ZMYM6: variants seen among roughly 807,000 people sequenced by gnomAD.
ZMYM6 encodes the protein zinc finger MYM-type protein 6.
Under a neutral mutation model 134.0 loss-of-function variants are expected in ZMYM6, and 90 were observed. That is an observed-to-expected ratio of 0.67 (90% confidence interval 0.57 to 0.80). The LOEUF (loss-of-function observed/expected upper bound fraction) is 0.80, where lower values mean the gene tolerates loss of function less well. ZMYM6 is among the 30% of genes least tolerant of loss of function. The pLI is 0.00. For synonymous variants in ZMYM6, 481 were observed against 524.1 expected (o/e 0.92, Z 1.12); for missense variants, 1,362 against 1,533.9 (o/e 0.89, Z 1.87).
chr1:35,011,805 A>G (rs1055228581), intron 8 of ZMYM6, 85 bp downstream of exon 8: 6 of 952,366 alleles, frequency 6.3e-6, no homozygotes, highest in Non-Finnish European at 8.7e-6. Flanking sequence ...AAACTTTCAT[A>G]AGAACAGGCC....
chr1:35,031,149 CT>C (rs1387164523), intron 1 of ZMYM6: 1 of 152,816 alleles, frequency 6.5e-6, no homozygotes, highest in Non-Finnish European at 1.5e-5. Flanking sequence ...ATAACTCAAC[CT>C]TCACTGGAAG....
In ZMYM6 at chr1:35,008,926, T is replaced by A. The variant is rs1379559229; in HGVS notation, c.1493-2A>T. On this transcript the variant is annotated splice_acceptor_variant, in intron 10 of 15. Transcript: ENST00000357182. LOFTEE classifies it high-confidence loss of function. Reference sequence around the variant, plus strand: ...CACGGGCAGAGAGGAATTTGCAAACTGAGGATCAGAGGGATGAAAGGAAGA... The same window carrying A: ...CACGGGCAGAGAGGAATTTGCAAACAGAGGATCAGAGGGATGAAAGGAAGA... 1 of 1,610,594 alleles carries A rather than the reference T, an allele frequency of 6.2e-7. No individual in the cohort carries two copies. The highest frequency in any genetic ancestry group is 8.5e-7 in the Non-Finnish European group (1 of 1,178,580).
intron 2 of ZMYM6, 68 bp downstream of exon 2, chr1:35,030,479 A>T: frequency 6.7e-7 from 1 of 1,498,420 alleles, no homozygotes; most frequent in East Asian, 2.3e-5. Flanking sequence ...TTTAACTAAA[A>T]TTTTTCAGTT....
chr1:34,989,365 C>A, intron 15 of ZMYM6: 2 of 418,730 alleles, frequency 4.8e-6, no homozygotes, highest in South Asian at 1.0e-4. Flanking sequence ...TGGCGAAACT[C>A]CATCTCTACA....
intron 4 of ZMYM6, among the ~76,000 whole-genome samples, chr1:35,016,389 G>A (rs565575072): frequency 3.9e-5 from 6 of 152,304 alleles, no homozygotes; most frequent in East Asian, 1.9e-4. Flanking sequence ...AAACAAGAAC[G>A]AGACAGGAAG....
chr1:34,992,053 C>T lies in ZMYM6; in HGVS notation c.2146+181G>A, dbSNP rs544081889. The T allele has an allele frequency of 5.7e-5, 43 of 760,288 alleles. 1 individual carries two copies. In the South Asian group the frequency reaches 6.5e-4, roughly 11 times the overall value. The allele number at this position is 760,288 out of a possible 1,614,324, so 47.1% of individuals were successfully genotyped here. The stretch of plus-strand genomic sequence containing the variant: ...TAATTATAATAGCTTGTTATGATAG[C>T]TGGTTATTAGTGTTAATAATTATGA... On this transcript the variant is annotated intron_variant, in intron 15 of 15. Coordinates refer to ENST00000357182, the MANE Select transcript of ZMYM6 (RefSeq NM_007167.4).
intron 2 of ZMYM6, among the ~76,000 whole-genome samples, chr1:35,021,162 C>G (rs890415926): frequency 1.2e-4 from 17 of 147,442 alleles, no homozygotes; most frequent in African/African-American, 4.3e-4. Context: ...GTCACCCAGG[C>G]TGGAGTTTCA....
chr1:35,014,645 G>A, intron 6 of ZMYM6, 52 bp downstream of exon 6: 1 of 1,559,106 alleles, frequency 6.4e-7, no homozygotes, highest in South Asian at 1.2e-5. Flanking sequence ...TCCCTGTGCA[G>A]CCAAATCAGA....
intron 2 of ZMYM6, among the ~76,000 whole-genome samples, chr1:35,022,698 T>A (rs560416189): frequency 6.6e-6 from 1 of 152,326 alleles, no homozygotes; most frequent in Admixed American, 6.5e-5. Context: ...ATCTCCTTTC[T>A]CTCACAGCAG....
At chr1:35,026,140 C>G (rs1641409906) in intron 2 of ZMYM6, among the ~76,000 whole-genome samples, 2 of 152,096 alleles carry the variant, frequency 1.3e-5, no homozygotes, top group Admixed American at 6.6e-5. Context: ...CATGCCTCAG[C>G]CTCCTGAGTA....
At chr1:34,993,277 A>C (rs894525695) in intron 14 of ZMYM6, among the ~76,000 whole-genome samples, 1 of 151,822 alleles carries the variant, frequency 6.6e-6, no homozygotes, top group Admixed American at 6.6e-5. Flanking sequence ...ACGCCTGGCT[A>C]ATTTTTTATA....
intron 14 of ZMYM6, among the ~76,000 whole-genome samples, chr1:34,996,656 C>T (rs1640791780): frequency 6.6e-6 from 1 of 152,146 alleles, no homozygotes; most frequent in African/African-American, 2.4e-5. Flanking sequence ...TTTGAGACTG[C>T]TCTATGTCTG....
chr1:35,009,060 C>T (rs1409742582), intron 10 of ZMYM6, 136 bp from the exon 11 acceptor site: 5 of 869,892 alleles, frequency 5.7e-6, no homozygotes, highest in Non-Finnish European at 8.5e-6. Context: ...GATTACAGGA[C>T]AGTCTCTATA....
rs140059993 is a variant in ZMYM6, at chr1:34,996,278, T to C, written c.1993-3891A>G. 3.5e-3 allele frequency among the ~76,000 whole-genome samples: 539 copies of C among 152,290 alleles called. 2 individuals are homozygous for C. The highest frequency in any genetic ancestry group is 5.4e-3 in the Non-Finnish European group (370 of 68,002). On this transcript the variant is annotated intron_variant, in intron 14 of 15. Transcript: ENST00000357182. ...ATTTCTCAATGAGTGAAAAATTATTTTACTTTAGTGTAGTTAGATATTTTT... is the reference window on the plus strand; with the variant it reads ...ATTTCTCAATGAGTGAAAAATTATTCTACTTTAGTGTAGTTAGATATTTTT...
At position 34,986,872 on chromosome 1, in the gene ZMYM6, T is replaced by C. The variant is rs1569730208; in HGVS notation, c.*232A>G. On this transcript the variant is annotated 3_prime_UTR_variant, in exon 16 of 16. Coordinates refer to ENST00000357182, the MANE Select transcript of ZMYM6 (RefSeq NM_007167.4). ...ACTGGGCTTCTCATTACCTGCAGTC[T>C]TTGTCACTAGTCCAAATTTAATGAA... 1.5e-5 allele frequency: 4 copies of C among 268,632 alleles called. No individual in the cohort carries two copies. Among genetic ancestry groups the C allele is most frequent in the Non-Finnish European group, 2.7e-5 (4 of 146,454 alleles). The allele number at this position is 268,632 out of a possible 1,614,324, so 16.6% of individuals were successfully genotyped here.
intron 14 of ZMYM6, among the ~76,000 whole-genome samples, chr1:34,995,099 ATATACGTAAGT>A (rs1640758467): frequency 7.3e-6 from 1 of 136,210 alleles, no homozygotes; most frequent in African/African-American, 2.9e-5. Flanking sequence ...ATATGTATGT[ATATACGTAAGT>A]ATATATGTAT....
At chr1:34,991,200 GCA>G (rs143430048) in intron 15 of ZMYM6, among the ~76,000 whole-genome samples, 4 of 151,046 alleles carry the variant, frequency 2.6e-5, no homozygotes, top group South Asian at 2.1e-4. Flanking sequence ...CAAAACATAA[GCA>G]CACACACACA....
rs1365161683 is a variant in ZMYM6 at position 34,988,779 on chromosome 1, C to T, written c.2303G>A (p.Cys768Tyr). Residue 768 changes from cysteine (C) to tyrosine (Y), a missense_variant, in exon 16 of 16, where the codon TGT (cysteine) becomes TAT (tyrosine). By Grantham distance (194) the Cys-to-Tyr change is radical. Around this residue, in one of 3 missense-constraint regions of ZMYM6, gnomAD observed 824 missense variants for 940.9 expected, o/e 0.88. Coordinates refer to ENST00000357182, the MANE Select transcript of ZMYM6 (RefSeq NM_007167.4). Reference protein sequence around the residue: ...GSKESSPRPQCVICGEILSSE... With the variant: ...GSKESSPRPQYVICGEILSSE... ...GGATAAGATCTCTCCACAAATGACA[C>T]ACTGTGGCCTTGGTGAACTTTCTTT... The T allele has an allele frequency of 2.3e-5, 36 of 1,551,502 alleles. No individual in the cohort carries two copies. The highest frequency in any genetic ancestry group is 3.1e-5 in the Non-Finnish European group (36 of 1,147,092).
intron 15 of ZMYM6, 104 bp downstream of exon 15, chr1:34,992,130 C>T: frequency 6.9e-7 from 1 of 1,450,314 alleles, no homozygotes; most frequent in Non-Finnish European, 9.6e-7. Flanking sequence ...GGAATGTTTT[C>T]ACATTTAAGA....
Sources: gnomAD v4.1 joint callset for allele counts (sites outside exome capture counted in the v4.1 genomes callset) on GRCh38, gnomAD v4.1.1 for gene constraint, gnomAD v4.1.1 regional missense constraint, MANE v1.5 for transcripts, NCBI Gene and HGNC (gene_info 2026-07-23, HGNC 2026-07-21) for gene names.